Variants in FRMD5 observed in about 807,000 individuals in gnomAD.
The protein encoded by FRMD5 is FERM domain-containing protein 5.
In FRMD5, 20 loss-of-function variants were observed where a neutral mutation model predicts 69.0. The ratio of observed to expected loss-of-function variants is 0.29; its 90% CI spans 0.20 to 0.42. The LOEUF (loss-of-function observed/expected upper bound fraction) is 0.42, where lower values mean the gene tolerates loss of function less well. Ranked by LOEUF, FRMD5 falls within the 10% of genes least tolerant of loss-of-function variation. The pLI, the probability that FRMD5 is intolerant of heterozygous loss-of-function variation, is 1.00. For missense variants in FRMD5, 595 were observed against 708.6 expected, an observed-to-expected ratio of 0.84 and a Z score of 1.82; for synonymous variants, 271 against 260.1, an observed-to-expected ratio of 1.04 and a Z score of -0.40.
intron 1 of FRMD5, among the ~76,000 whole-genome samples, chr15:44,119,739 T>A (rs1034363011): frequency 6.6e-6 from 1 of 151,926 alleles, no homozygotes; most frequent in Non-Finnish European, 1.5e-5. Flanking sequence ...CTTTTTTTTT[T>A]TTTTTTTTAA....
chr15:44,092,324 T>A (rs1234444480), intron 1 of FRMD5, among the ~76,000 whole-genome samples: 1 of 152,180 alleles, frequency 6.6e-6, no homozygotes, highest in Non-Finnish European at 1.5e-5. Flanking sequence ...TCCAAATTGG[T>A]CTCACAGCTC....
At chr15:44,195,341 G>A (rs905486864), upstream of FRMD5, 19 of 466,824 alleles carry the variant, frequency 4.1e-5, no homozygotes, top group Middle Eastern at 5.6e-4. Context: ...GGCCAATGGG[G>A]GTCAGCGCGG....
chr15:44,058,147 T>G (rs892834852), intron 1 of FRMD5, among the ~76,000 whole-genome samples: 2 of 152,154 alleles, frequency 1.3e-5, no homozygotes, highest in African/African-American at 4.8e-5. Context: ...TTATGAGAAT[T>G]ACAAGACCAC....
chr15:43,974,589 G>A (rs1045359432), intron 1 of FRMD5, among the ~76,000 whole-genome samples: 19 of 152,108 alleles, frequency 1.2e-4, no homozygotes, highest in African/African-American at 4.1e-4. Flanking sequence ...AAGAGAGGGC[G>A]GTGCCTTATC....
chr15:44,131,347 G>A (rs1409656143), intron 1 of FRMD5, among the ~76,000 whole-genome samples: 1 of 151,932 alleles, frequency 6.6e-6, no homozygotes, highest in South Asian at 2.1e-4. Context: ...ATAAACGGTA[G>A]GAATGTAAAA....
upstream of FRMD5, among the ~76,000 whole-genome samples, chr15:44,197,465 C>T (rs1026046225): frequency 1.3e-5 from 2 of 151,596 alleles, no homozygotes; most frequent in African/African-American, 4.8e-5. Context: ...GGGTGGATCA[C>T]GAGGTCAGGA....
At chr15:44,134,577 T>C (rs1284553669) in intron 1 of FRMD5, among the ~76,000 whole-genome samples, 2 of 151,948 alleles carry the variant, frequency 1.3e-5, no homozygotes, top group East Asian at 3.9e-4. Flanking sequence ...ACCTCCCGAG[T>C]AGCTGGGATT....
At position 43,906,654 on chromosome 15, in the gene FRMD5, T is replaced by C. The variant is rs537195477; in HGVS notation, c.428-703A>G. ...TCTCACTCTGTAGCCCAGGCTGGAG[T>C]GCAGTGGTGCGATCTTGGCTCACTG... On this transcript the variant is annotated intron_variant, in intron 5 of 13. Transcript: ENST00000417257. Among the ~76,000 whole-genome samples the C allele has an allele frequency of 4.6e-5, 7 of 151,886 alleles. No homozygotes were observed. The South Asian group carries it at 1.5e-3, about 32-fold the overall frequency.
At chr15:44,079,920 G>T (rs1893927781) in intron 1 of FRMD5, among the ~76,000 whole-genome samples, 1 of 151,850 alleles carries the variant, frequency 6.6e-6, no homozygotes, top group South Asian at 2.1e-4. Context: ...ACTTATATGA[G>T]GTATCTAGAA....
chr15:43,954,838 G>A (rs1168315652), intron 1 of FRMD5, among the ~76,000 whole-genome samples: 1 of 152,170 alleles, frequency 6.6e-6, no homozygotes, highest in African/African-American at 2.4e-5. Flanking sequence ...ACAGTGCTTA[G>A]TACAGCACCT....
intron 13 of FRMD5, chr15:43,879,876 C>T (rs2088475780): frequency 5.2e-6 from 2 of 381,686 alleles, no homozygotes; most frequent in Non-Finnish European, 9.3e-6. Context: ...TCACATCAGG[C>T]TGAACTGCAG....
At position 44,181,835 on chromosome 15, in the gene FRMD5, C is replaced by T. The variant is rs73407885; in HGVS notation, c.102+13118G>A. On this transcript the variant is annotated intron_variant, in intron 1 of 13. Transcript: ENST00000417257. ...ACAGGACTGCTTGAGCCCAGGAGTT[C>T]GAGGGTAAAGTGGGCCAAGATCATG... 9.7e-3 allele frequency among the ~76,000 whole-genome samples: 1,473 copies of T among 151,976 alleles called. 26 individuals are homozygous for T. The highest frequency in any genetic ancestry group is 0.033 in the African/African-American group (1,376 of 41,434).
At chr15:43,919,891 AGACAGAT>A in intron 2 of FRMD5, 82 bp from the exon 3 acceptor site, 1 of 1,292,778 alleles carries the variant, frequency 7.7e-7, no homozygotes, top group Non-Finnish European at 1.1e-6. Flanking sequence ...TTAAAAAACT[AGACAGAT>A]TGTAGCCTAG....
intron 1 of FRMD5, among the ~76,000 whole-genome samples, chr15:44,105,495 T>C (rs2076704361): frequency 6.6e-6 from 1 of 152,200 alleles, no homozygotes; most frequent in South Asian, 2.1e-4. Flanking sequence ...CTTCCCAGAC[T>C]GTGGGAAATA....
chr15:43,962,033 T>G (rs2090210813), intron 1 of FRMD5, among the ~76,000 whole-genome samples: 1 of 152,200 alleles, frequency 6.6e-6, no homozygotes, highest in Non-Finnish European at 1.5e-5. Context: ...CTATTCAACA[T>G]AGTGTTGGAA....
Position 44,087,226 on chromosome 15 carries a change from G to C in FRMD5, c.102+107727C>G, listed in dbSNP as rs906967340. On this transcript the variant is annotated intron_variant, in intron 1 of 13. Coordinates refer to ENST00000417257, the MANE Select transcript of FRMD5 (RefSeq NM_032892.5). ...GTAAAGATGGGGTTTCAGCATGTTG[G>C]CCAGGCTGGCCTCAAACTCTTGACT... Among the ~76,000 whole-genome samples the C allele has an allele frequency of 4.6e-5, 7 of 152,134 alleles. No homozygotes were observed. The South Asian group carries it at 8.3e-4, about 18-fold the overall frequency.
Position 43,872,308 on chromosome 15 carries a change from A to T in FRMD5, c.*1577T>A, listed in dbSNP as rs1272861070. 6.6e-6 allele frequency: 1 copy of T among 152,194 alleles called. No individual in the cohort carries two copies. The allele number at this position is 152,194 out of a possible 1,614,324, so 9.4% of individuals were successfully genotyped here. A position where few individuals can be genotyped will look rare whatever the true frequency, so the allele number is the denominator to read the frequency against. The stretch of plus-strand genomic sequence containing the variant: ...CTCGGGGGACAAAATAGGGGAGGTC[A>T]AGTCTACAAGTGACTTGTTCTGTTC... On this transcript the variant is annotated 3_prime_UTR_variant, in exon 14 of 14. Transcript: ENST00000417257.
chr15:43,979,843 A>G (rs944138893), intron 1 of FRMD5, among the ~76,000 whole-genome samples: 1 of 152,226 alleles, frequency 6.6e-6, no homozygotes, highest in Non-Finnish European at 1.5e-5. Flanking sequence ...TAATGAGATA[A>G]AGCAGAATGT....
chr15:43,910,201 T>A (rs921267246), intron 4 of FRMD5, among the ~76,000 whole-genome samples: 6 of 152,114 alleles, frequency 3.9e-5, no homozygotes, highest in Non-Finnish European at 8.8e-5. Context: ...AATATGCCAG[T>A]TTCCTCCTGT....
Sources: allele counts gnomAD v4.1 joint callset (sites outside exome capture counted in the v4.1 genomes callset), GRCh38; gene constraint gnomAD v4.1.1; transcripts MANE v1.5; gene names NCBI Gene and HGNC (gene_info 2026-07-23, HGNC 2026-07-21).